The following NDUFAF2 variants were observed in gnomAD, a reference collection of about 807,000 sequenced individuals.
NDUFAF2 encodes the protein NADH dehydrogenase [ubiquinone] 1 alpha subcomplex assembly factor 2.
In NDUFAF2, 13 loss-of-function variants were observed where a neutral mutation model predicts 22.8. That is an observed-to-expected ratio of 0.57 (90% confidence interval 0.37 to 0.91). The LOEUF (loss-of-function observed/expected upper bound fraction) is 0.91. Ranked by LOEUF, NDUFAF2 falls within the 40% of genes least tolerant of loss-of-function variation. The pLI is 0.01. For missense variants in NDUFAF2, 162 were observed against 195.2 expected (o/e 0.83, Z 1.01); for synonymous variants, 53 against 64.2 (o/e 0.83, Z 0.84).
intron 2 of NDUFAF2, among the ~76,000 whole-genome samples, chr5:61,094,097 G>A (rs1023290719): frequency 1.3e-5 from 2 of 152,120 alleles, no homozygotes; most frequent in Non-Finnish European, 2.9e-5. Flanking sequence ...TGGGGTCAGC[G>A]ATACCCCGTA....
intron 3 of NDUFAF2, among the ~76,000 whole-genome samples, chr5:61,125,745 A>C (rs1351128880): frequency 6.6e-6 from 1 of 152,112 alleles, no homozygotes. Flanking sequence ...TTGGATATTA[A>C]GTATGACAGT....
intron 3 of NDUFAF2, among the ~76,000 whole-genome samples, chr5:61,103,048 A>T (rs979440431): frequency 6.6e-6 from 1 of 152,112 alleles, no homozygotes; most frequent in African/African-American, 2.4e-5. Context: ...GTTTGTTATA[A>T]AATCAAACAT....
At chr5:61,008,565 TC>T (rs1357799044) in intron 1 of NDUFAF2, among the ~76,000 whole-genome samples, 1 of 152,110 alleles carries the variant, frequency 6.6e-6, no homozygotes, top group Non-Finnish European at 1.5e-5. Flanking sequence ...TCAATTTCAT[TC>T]CCTATAAAAT....
At chr5:60,984,406 T>C (rs1291235592) in intron 1 of NDUFAF2, among the ~76,000 whole-genome samples, 2 of 152,104 alleles carry the variant, frequency 1.3e-5, no homozygotes, top group Admixed American at 6.5e-5. Flanking sequence ...TCCTGCCTGA[T>C]TGCCCTGGCC....
chr5:60,983,751 T>C (rs1042221350), intron 1 of NDUFAF2, among the ~76,000 whole-genome samples: 2 of 150,988 alleles, frequency 1.3e-5, no homozygotes, highest in African/African-American at 4.9e-5. Flanking sequence ...TTCTGTTCCA[T>C]TGGTCTATAT....
At chr5:61,034,912 A>ATATGTGTGTGTGTGTG (rs111557328) in intron 1 of NDUFAF2, among the ~76,000 whole-genome samples, 15 of 144,888 alleles carry the variant, frequency 1.0e-4, no homozygotes, top group Admixed American at 7.7e-4. Flanking sequence ...GCAAATATAT[A>ATATGTGTGTGTGTGTG]TGTGTGTGTG....
intron 3 of NDUFAF2, among the ~76,000 whole-genome samples, chr5:61,129,856 A>G (rs1753086942): frequency 6.6e-6 from 1 of 152,084 alleles, no homozygotes; most frequent in Non-Finnish European, 1.5e-5. Flanking sequence ...ATCATACACT[A>G]TGCAAATAAA....
chr5:60,952,592 A>C (rs1329192756), intron 1 of NDUFAF2, among the ~76,000 whole-genome samples: 1 of 152,084 alleles, frequency 6.6e-6, no homozygotes, highest in East Asian at 1.9e-4. Context: ...AAATTGTTTT[A>C]TGGCCTAGAG....
At chr5:61,125,179 T>C (rs1753022013) in intron 3 of NDUFAF2, among the ~76,000 whole-genome samples, 1 of 152,024 alleles carries the variant, frequency 6.6e-6, no homozygotes, top group South Asian at 2.1e-4. Context: ...CTGTATTTCT[T>C]TTTTCTACAT....
intron 1 of NDUFAF2, among the ~76,000 whole-genome samples, chr5:61,020,106 TA>T (rs1751559937): frequency 1.3e-5 from 2 of 152,300 alleles, no homozygotes; most frequent in Admixed American, 6.5e-5. Context: ...TAACATTATT[TA>T]TTGCATTCTC....
At chr5:61,041,463 G>A (rs1244066320) in intron 1 of NDUFAF2, among the ~76,000 whole-genome samples, 1 of 151,892 alleles carries the variant, frequency 6.6e-6, no homozygotes, top group Non-Finnish European at 1.5e-5. Context: ...TCCCAGTGTT[G>A]GTTTTAAATT....
chr5:61,092,673 C>T (rs1048187510), intron 2 of NDUFAF2, among the ~76,000 whole-genome samples: 6 of 152,142 alleles, frequency 3.9e-5, no homozygotes, highest in African/African-American at 1.4e-4. Flanking sequence ...ATTTGACTTC[C>T]TCTCTTCCTA....
chr5:60,977,392 G>C (rs1267510853), intron 1 of NDUFAF2, among the ~76,000 whole-genome samples: 1 of 151,672 alleles, frequency 6.6e-6, no homozygotes, highest in Non-Finnish European at 1.5e-5. Flanking sequence ...TTGTGCCATT[G>C]CAGTCCAGCC....
At chr5:60,973,679 G>A (rs746131211) in intron 1 of NDUFAF2, among the ~76,000 whole-genome samples, 1 of 152,156 alleles carries the variant, frequency 6.6e-6, no homozygotes, top group Admixed American at 6.5e-5. Flanking sequence ...TATAATTTTA[G>A]TAGAATATGT....
chr5:60,994,063 T>C (rs1317247373), intron 1 of NDUFAF2, among the ~76,000 whole-genome samples: 1 of 152,152 alleles, frequency 6.6e-6, no homozygotes, highest in African/African-American at 2.4e-5. Flanking sequence ...ACGGCTTCCC[T>C]CCCATGCTCA....
chr5:61,114,895 A>C (rs1005153807), intron 3 of NDUFAF2: 1 of 151,968 alleles, frequency 6.6e-6, no homozygotes, highest in Non-Finnish European at 1.5e-5. Flanking sequence ...TCTCTCAAAC[A>C]GTCTCTCCCT....
chr5:60,953,442 A>T (rs542252968), intron 1 of NDUFAF2, among the ~76,000 whole-genome samples: 1 of 152,282 alleles, frequency 6.6e-6, no homozygotes, highest in African/African-American at 2.4e-5. Context: ...AATTCATTAC[A>T]CAGAGACCAT....
intron 1 of NDUFAF2, among the ~76,000 whole-genome samples, chr5:61,057,534 T>C (rs1752114541): frequency 6.6e-6 from 1 of 152,218 alleles, no homozygotes; most frequent in African/African-American, 2.4e-5. Context: ...GTACTTGGTC[T>C]GAATCAATGA....
intron 1 of NDUFAF2, among the ~76,000 whole-genome samples, chr5:61,003,023 A>C (rs1242543372): frequency 2.0e-5 from 3 of 152,202 alleles, no homozygotes; most frequent in Non-Finnish European, 4.4e-5. Context: ...CCAATAGAAC[A>C]TGAATGGCTG....
Sources: gnomAD v4.1 joint callset for allele counts (sites outside exome capture counted in the v4.1 genomes callset) on GRCh38, gnomAD v4.1.1 for gene constraint, MANE v1.5 for transcripts, NCBI Gene and HGNC (gene_info 2026-07-23, HGNC 2026-07-21) for gene names.